Variants in DLC1 observed in about 807,000 individuals in gnomAD.
DLC1 encodes DLC1 Rho GTPase activating protein, also known as rho GTPase-activating protein 7.
In DLC1, 54 loss-of-function variants were observed where a neutral mutation model predicts 140.3. The ratio of observed to expected loss-of-function variants is 0.38; its 90% CI spans 0.31 to 0.48. The LOEUF is 0.48. Among genes scored for constraint, DLC1 ranks in the 20% least tolerant of loss-of-function variants. DLC1 has a pLI of 0.96. For missense variants in DLC1, 2,536 were observed against 1,907.0 expected (o/e 1.33, Z -6.14); for synonymous variants, 986 against 728.1 (o/e 1.35, Z -5.70).
intron 7 of DLC1, among the ~76,000 whole-genome samples, chr8:13,106,875 T>C (rs969702484): frequency 6.6e-6 from 1 of 152,228 alleles, no homozygotes; most frequent in Non-Finnish European, 1.5e-5. Context: ...TTGGAATAGT[T>C]TTCAGAAGCT....
chr8:13,092,335 G>C (rs1033407536), intron 13 of DLC1, among the ~76,000 whole-genome samples: 1 of 152,210 alleles, frequency 6.6e-6, no homozygotes, highest in Middle Eastern at 3.2e-3. Flanking sequence ...CAGGCCTCTA[G>C]CTAAGAAATA....
chr8:13,135,094 C>T (rs575803281), intron 5 of DLC1, among the ~76,000 whole-genome samples: 3 of 152,070 alleles, frequency 2.0e-5, no homozygotes, highest in African/African-American at 7.2e-5. Context: ...CCGTCACCAG[C>T]AAGGGGGAGT....
At chr8:13,366,851 C>G (rs1835505201) in intron 4 of DLC1, among the ~76,000 whole-genome samples, 1 of 152,138 alleles carries the variant, frequency 6.6e-6, no homozygotes, top group Admixed American at 6.6e-5. Context: ...ATCAGTCATT[C>G]TCCCTTCTGG....
chr8:13,119,874 G>T (rs1820889270), intron 5 of DLC1, among the ~76,000 whole-genome samples: 1 of 150,008 alleles, frequency 6.7e-6, no homozygotes, highest in Non-Finnish European at 1.5e-5. Context: ...TTGGGCCCAG[G>T]ACTTCAAGAC....
intron 4 of DLC1, among the ~76,000 whole-genome samples, chr8:13,338,975 T>A (rs1833920681): frequency 6.6e-6 from 1 of 152,178 alleles, no homozygotes; most frequent in Non-Finnish European, 1.5e-5. Context: ...AAAACACACA[T>A]ACTGATTTGA....
chr8:13,121,532 A>G (rs1334693290), intron 5 of DLC1, among the ~76,000 whole-genome samples: 1 of 152,056 alleles, frequency 6.6e-6, no homozygotes. Context: ...GTAGGCAGGC[A>G]TTGCGCTGGG....
chr8:13,191,870 C>T (rs1212372241), intron 5 of DLC1, among the ~76,000 whole-genome samples: 2 of 151,950 alleles, frequency 1.3e-5, no homozygotes, highest in African/African-American at 2.4e-5. Context: ...GTGCCTATGA[C>T]TCTGACCTCT....
chr8:13,459,049 GAAT>G (rs887829340), intron 2 of DLC1, among the ~76,000 whole-genome samples: 1 of 152,090 alleles, frequency 6.6e-6, no homozygotes, highest in Non-Finnish European at 1.5e-5. Flanking sequence ...TCCAGCTAAT[GAAT>G]AATATTTAAT....
At chr8:13,248,378 GAAAGACTCTCTGACTCTGA>G (rs1829854784) in intron 5 of DLC1, among the ~76,000 whole-genome samples, 1 of 102,628 alleles carries the variant, frequency 9.7e-6, no homozygotes, top group African/African-American at 4.3e-5. Flanking sequence ...GTTGCAGGAA[GAAAGACTCTCTGACTCTGA>G]GAAAGACTCT....
At chr8:13,165,076 G>C (rs150398958) in intron 5 of DLC1, among the ~76,000 whole-genome samples, 74 of 152,066 alleles carry the variant, frequency 4.9e-4, no homozygotes, top group African/African-American at 1.8e-3. Context: ...TTTCTACTAG[G>C]GTTGTCAGAT....
chr8:13,379,525 T>C (rs2117153117), intron 4 of DLC1, among the ~76,000 whole-genome samples: 1 of 152,350 alleles, frequency 6.6e-6, no homozygotes, highest in Middle Eastern at 3.4e-3. Flanking sequence ...CCGTGTAATT[T>C]ATTGAATACT....
intron 2 of DLC1, among the ~76,000 whole-genome samples, chr8:13,476,681 T>G (rs1800450098): frequency 2.0e-5 from 3 of 152,168 alleles, no homozygotes; most frequent in Admixed American, 1.3e-4. Context: ...GTTTTTATTC[T>G]TAGTTTCTTG....
chr8:13,577,356 C>G (rs1261994363), intron 1 of DLC1, among the ~76,000 whole-genome samples: 1 of 152,030 alleles, frequency 6.6e-6, no homozygotes, highest in Non-Finnish European at 1.5e-5. Flanking sequence ...GGTCAGTGTC[C>G]GTGTCCACAG....
intron 2 of DLC1, among the ~76,000 whole-genome samples, chr8:13,440,831 A>C (rs1197243778): frequency 6.6e-6 from 1 of 152,046 alleles, no homozygotes; most frequent in Non-Finnish European, 1.5e-5. Flanking sequence ...CTGCCACGTA[A>C]GAAGTGCCTT....
intron 2 of DLC1, among the ~76,000 whole-genome samples, chr8:13,474,235 T>A (rs1800338989): frequency 6.6e-6 from 1 of 152,136 alleles, no homozygotes; most frequent in South Asian, 2.1e-4. Flanking sequence ...CAGCTTGGGC[T>A]TCAGAGGGTA....
chr8:13,125,472 T>C (rs1563648281), intron 5 of DLC1, among the ~76,000 whole-genome samples: 1 of 152,232 alleles, frequency 6.6e-6, no homozygotes, highest in Non-Finnish European at 1.5e-5. Flanking sequence ...CTTTCATGTT[T>C]ACAGCAGCAT....
At chr8:13,582,915 T>C (rs1274272119) in intron 1 of DLC1, among the ~76,000 whole-genome samples, 2 of 131,540 alleles carry the variant, frequency 1.5e-5, no homozygotes, top group East Asian at 2.3e-4. Flanking sequence ...TATATATATA[T>C]ATATGTGGTG....
At chr8:13,143,640 G>C (rs1202802037) in intron 5 of DLC1, among the ~76,000 whole-genome samples, 2 of 148,038 alleles carry the variant, frequency 1.4e-5, no homozygotes, top group South Asian at 4.2e-4. Context: ...TTTTTTTCCT[G>C]CTAAATTGGT....
At chr8:13,595,253 A>G (rs1345920555) in intron 1 of DLC1, among the ~76,000 whole-genome samples, 1 of 152,096 alleles carries the variant, frequency 6.6e-6, no homozygotes, top group East Asian at 1.9e-4. Context: ...GATTTTTTTT[A>G]GAAAGACAGT....
Sources: allele counts gnomAD v4.1 joint callset (sites outside exome capture counted in the v4.1 genomes callset), GRCh38; gene constraint gnomAD v4.1.1; transcripts MANE v1.5; gene names NCBI Gene and HGNC (gene_info 2026-07-23, HGNC 2026-07-21).